RIT2: variants seen among roughly 807,000 people sequenced by gnomAD.
RIT2 encodes the protein GTP-binding protein Rit2.
A neutral mutation model predicts 23.7 loss-of-function variants in RIT2; 24 were observed. The ratio of observed to expected loss-of-function variants is 1.01; its 90% CI spans 0.73 to 1.43. The LOEUF is 1.43. Among genes scored for constraint, RIT2 ranks in the 40% most tolerant of loss-of-function variants. RIT2 has a pLI of 0.00. For missense variants in RIT2, 236 were observed against 266.9 expected, an observed-to-expected ratio of 0.88 and a Z score of 0.81; for synonymous variants, 107 against 91.1, an observed-to-expected ratio of 1.17 and a Z score of -0.99.
intron 3 of RIT2, among the ~76,000 whole-genome samples, chr18:42,971,486 C>G (rs1910359998): frequency 6.6e-6 from 1 of 151,960 alleles, no homozygotes; most frequent in South Asian, 2.1e-4. Flanking sequence ...ACCACTTCAC[C>G]CACAATGAGG....
chr18:42,791,359 G>GA (rs1914038982), intron 4 of RIT2, among the ~76,000 whole-genome samples: 1 of 152,094 alleles, frequency 6.6e-6, no homozygotes, highest in Admixed American at 6.5e-5. Flanking sequence ...TTGTATCCCA[G>GA]ACTACTCTGT....
chr18:42,960,944 T>C (rs561693056), intron 3 of RIT2, among the ~76,000 whole-genome samples: 65 of 152,288 alleles, frequency 4.3e-4, no homozygotes, highest in Middle Eastern at 3.4e-3. Flanking sequence ...TCTCCTAAGG[T>C]TTATTTTAAT....
At chr18:42,942,549 T>C (rs1319779495) in intron 3 of RIT2, among the ~76,000 whole-genome samples, 1 of 152,112 alleles carries the variant, frequency 6.6e-6, no homozygotes, top group Non-Finnish European at 1.5e-5. Context: ...GGAAAAAATA[T>C]CTGGCCACCG....
intron 3 of RIT2, among the ~76,000 whole-genome samples, chr18:42,944,337 T>C (rs1167263366): frequency 6.6e-6 from 1 of 152,066 alleles, no homozygotes; most frequent in East Asian, 1.9e-4. Context: ...ACCATCAAGA[T>C]TGGTTCTTTA....
intron 4 of RIT2, among the ~76,000 whole-genome samples, chr18:42,811,689 T>A (rs529790655): frequency 1.3e-5 from 2 of 152,188 alleles, no homozygotes; most frequent in South Asian, 4.1e-4. Context: ...ATATGTCATG[T>A]CAATCCAAAT....
At chr18:42,842,977 A>T (rs1906808778) in intron 4 of RIT2, among the ~76,000 whole-genome samples, 1 of 152,240 alleles carries the variant, frequency 6.6e-6, no homozygotes, top group Non-Finnish European at 1.5e-5. Context: ...TGATTTCTAA[A>T]GCCAGTAATA....
chr18:42,837,065 G>A (rs567954228), intron 4 of RIT2, among the ~76,000 whole-genome samples: 2 of 148,508 alleles, frequency 1.3e-5, no homozygotes, highest in South Asian at 2.1e-4. Flanking sequence ...CACATCAAGC[G>A]CTCTTTAATA....
chr18:42,754,342 A>C (rs541972256), intron 4 of RIT2, among the ~76,000 whole-genome samples: 1 of 152,180 alleles, frequency 6.6e-6, no homozygotes. Flanking sequence ...GAGTGGGGAA[A>C]GGCAAGAGTA....
intron 1 of RIT2, among the ~76,000 whole-genome samples, chr18:43,090,383 G>C (rs1049091855): frequency 1.3e-5 from 2 of 152,052 alleles, no homozygotes; most frequent in African/African-American, 4.8e-5. Context: ...AGAGGCTGTT[G>C]GGGTCGTGGA....
chr18:43,045,725 C>G (rs553996300), intron 1 of RIT2, among the ~76,000 whole-genome samples: 1 of 152,248 alleles, frequency 6.6e-6, no homozygotes, highest in East Asian at 1.9e-4. Context: ...CCTCTAATAT[C>G]TTTTTACCTC....
chr18:42,949,502 G>T (rs1485442215), intron 3 of RIT2, among the ~76,000 whole-genome samples: 2 of 152,128 alleles, frequency 1.3e-5, no homozygotes, highest in African/African-American at 4.8e-5. Flanking sequence ...TGGTTAGACA[G>T]GCAATTGCTG....
chr18:42,744,578 T>A (rs979390748), intron 4 of RIT2, among the ~76,000 whole-genome samples: 1 of 152,136 alleles, frequency 6.6e-6, no homozygotes, highest in African/African-American at 2.4e-5. Flanking sequence ...TTTGACTTTT[T>A]TTTTTCCCCA....
At position 42,743,345 on chromosome 18, in the gene RIT2, T is replaced by A; in HGVS notation, c.*148A>T. 2 of 636,850 alleles carry A rather than the reference T, an allele frequency of 3.1e-6. No homozygotes were observed. Among genetic ancestry groups the A allele is most frequent in the South Asian group, 3.9e-5 (2 of 51,452 alleles). The allele number at this position is 636,850 out of a possible 1,614,324, so 39.4% of individuals were successfully genotyped here. A position where few individuals can be genotyped will look rare whatever the true frequency, so the allele number is the denominator to read the frequency against. Reference sequence around the variant, plus strand: ...GGCAAAACAAAACTATCTCAAGAGGTACAGATATGCAGAGCTTGCTTTTAC... The same window carrying A: ...GGCAAAACAAAACTATCTCAAGAGGAACAGATATGCAGAGCTTGCTTTTAC... On this transcript the variant is annotated 3_prime_UTR_variant, in exon 5 of 5. Transcript: ENST00000326695.
At chr18:42,833,006 A>G (rs1222717403) in intron 4 of RIT2, among the ~76,000 whole-genome samples, 1 of 146,548 alleles carries the variant, frequency 6.8e-6, no homozygotes. Flanking sequence ...ATGAGCTGAG[A>G]TCCTACCACT....
intron 3 of RIT2, among the ~76,000 whole-genome samples, chr18:42,960,514 C>T (rs1054707013): frequency 6.6e-6 from 1 of 152,098 alleles, no homozygotes; most frequent in African/African-American, 2.4e-5. Flanking sequence ...GGGGTTTCAC[C>T]ATGTTGGCCA....
chr18:42,871,688 C>A (rs1907624974), intron 4 of RIT2, among the ~76,000 whole-genome samples: 1 of 151,934 alleles, frequency 6.6e-6, no homozygotes, highest in African/African-American at 2.4e-5. Flanking sequence ...TGTAGATGTT[C>A]TGTATGTCTC....
At chr18:42,960,435 C>T (rs1193340058) in intron 3 of RIT2, among the ~76,000 whole-genome samples, 1 of 152,176 alleles carries the variant, frequency 6.6e-6, no homozygotes, top group African/African-American at 2.4e-5. Context: ...CTGCCTCTGC[C>T]TCCTGAGTAG....
intron 3 of RIT2, among the ~76,000 whole-genome samples, chr18:42,968,600 G>C (rs1944407): frequency 0.19 from 28,273 of 152,038 alleles, 3,017 homozygotes; most frequent in African/African-American, 0.28. Flanking sequence ...CTCCTAATGA[G>C]AATGCTTATA....
chr18:42,949,897 A>C (rs1909810304), intron 3 of RIT2, among the ~76,000 whole-genome samples: 1 of 152,130 alleles, frequency 6.6e-6, no homozygotes, highest in Admixed American at 6.6e-5. Flanking sequence ...TGTTATGTAC[A>C]CAAGAAAGAA....
Sources: gnomAD v4.1 joint callset for allele counts (sites outside exome capture counted in the v4.1 genomes callset) on GRCh38, gnomAD v4.1.1 for gene constraint, MANE v1.5 for transcripts, NCBI Gene and HGNC (gene_info 2026-07-23, HGNC 2026-07-21) for gene names.